Variants in TRIM51 observed in about 807,000 individuals in gnomAD.
TRIM51 encodes tripartite motif-containing 51.
A neutral mutation model predicts 32.7 loss-of-function variants in TRIM51; 23 were observed. The observed-to-expected ratio is 0.70, with a 90% CI of 0.51 to 1.00. The LOEUF (loss-of-function observed/expected upper bound fraction) is 1.00. TRIM51 is among the 50% of genes least tolerant of loss of function. The pLI, the probability that TRIM51 is intolerant of heterozygous loss-of-function variation, is 0.00. For missense variants in TRIM51, 592 were observed against 539.2 expected (o/e 1.10, Z -0.97); for synonymous variants, 177 against 181.9 (o/e 0.97, Z 0.22).
chr11:55,883,838 C>A (rs1406651421), intron 1 of TRIM51, among the ~76,000 whole-genome samples: 1 of 151,892 alleles, frequency 6.6e-6, no homozygotes, highest in African/African-American at 2.4e-5. Flanking sequence ...GAATGCTCTC[C>A]AAAATACCCT....
Position 55,890,095 on chromosome 11 carries a change from A to G in TRIM51, c.859+56A>G, listed in dbSNP as rs1199272565. On this transcript the variant is annotated intron_variant, in intron 6 of 6. Coordinates refer to ENST00000449290, the MANE Select transcript of TRIM51 (RefSeq NM_032681.4). ...CAGTCTATTACTTCTTGTTAGAATC[A>G]TGGGGGTAGTATTTTACCCTTCATC... 2.2e-5 allele frequency: 28 copies of G among 1,251,816 alleles called. No homozygotes were observed. In the Admixed American group the frequency reaches 4.2e-4, roughly 19 times the overall value. 77.5% of individuals were successfully genotyped at this position (1,251,816 alleles called of 1,614,324 possible).
intron 1 of TRIM51, among the ~76,000 whole-genome samples, chr11:55,884,180 T>C (rs867069630): frequency 8.1e-6 from 1 of 124,090 alleles, no homozygotes; most frequent in African/African-American, 3.3e-5. Context: ...TATATATATA[T>C]ATACACATAC....
intron 2 of TRIM51, 67 bp from the exon 3 acceptor site, chr11:55,886,056 C>A (rs1169121124): frequency 2.6e-5 from 40 of 1,523,646 alleles, no homozygotes; most frequent in Non-Finnish European, 3.6e-5. Context: ...TTGGGTCCTT[C>A]GTATATCAGA....
intron 3 of TRIM51, among the ~76,000 whole-genome samples, chr11:55,887,690 G>A (rs371799124): frequency 6.6e-6 from 1 of 152,056 alleles, no homozygotes; most frequent in African/African-American, 2.4e-5. Flanking sequence ...GTTCTCCAAA[G>A]TAGAAATAAT....
At chr11:55,887,794 A>G (rs1283700023) in intron 3 of TRIM51, among the ~76,000 whole-genome samples, 1 of 152,132 alleles carries the variant, frequency 6.6e-6, no homozygotes, top group African/African-American at 2.4e-5. Flanking sequence ...AGGGAAATCC[A>G]TTTTTATATA....
Position 55,886,309 on chromosome 11 carries a change from T to C in TRIM51, c.507+91T>C, listed in dbSNP as rs1263647528. The C allele has an allele frequency of 9.7e-6, 10 of 1,036,056 alleles. No individual in the cohort carries two copies. In the Admixed American group the frequency reaches 2.2e-4, roughly 23 times the overall value. The allele number at this position is 1,036,056 out of a possible 1,614,324, so 64.2% of individuals were successfully genotyped here. ...AGGAACTTGATCTCAACCCATAATG[T>C]TTCTGGAATTCAATAAACAAGGAAA... On this transcript the variant is annotated intron_variant, in intron 3 of 6. Transcript: ENST00000449290.
At chr11:55,885,012 C>T (rs576432828) in intron 1 of TRIM51, among the ~76,000 whole-genome samples, 256 of 152,060 alleles carry the variant, frequency 1.7e-3, no homozygotes, top group Middle Eastern at 3.4e-3. Context: ...CAACCTCTGA[C>T]CATCTTCTCA....
chr11:55,883,874 T>C (rs936210466), intron 1 of TRIM51, among the ~76,000 whole-genome samples: 4 of 152,190 alleles, frequency 2.6e-5, no homozygotes, highest in African/African-American at 9.6e-5. Flanking sequence ...ACACGATTGT[T>C]TAGCAGATAA....
chr11:55,885,723 A>T lies in TRIM51; in HGVS notation c.295A>T (p.Thr99Ser), dbSNP rs527444168. Residue 99 changes from threonine (T) to serine (S), a missense_variant, in exon 2 of 7, where the codon ACA (threonine) becomes TCA (serine). By Grantham distance (58) the Thr-to-Ser change is moderately conservative (BLOSUM62 1). Transcript: ENST00000449290. ...GCAAATATGTGGGATGCACAGAGAG[A>T]CAAAGAAGATGTTCTGTGAAGTGGA... ...EEQICGMHRE[T>S]KKMFCEVDKS... 5.0e-6 allele frequency: 8 copies of T among 1,611,634 alleles called. No individual in the cohort carries two copies. The highest frequency in any genetic ancestry group is 6.8e-6 in the Non-Finnish European group (8 of 1,179,736).
intron 3 of TRIM51, among the ~76,000 whole-genome samples, chr11:55,886,889 A>T (rs933835449): frequency 1.3e-5 from 2 of 152,268 alleles, no homozygotes; most frequent in East Asian, 3.9e-4. Flanking sequence ...ATGATATCTG[A>T]TATTCATTCA....
In TRIM51 at chr11:55,891,462, C is replaced by G; in HGVS notation, c.1189C>G (p.Leu397Val). ...CTGCAGTCTCTTTACCACCTCCCCA[C>G]TTGTGGTGCAATATGTTCCAAGACC... ...THCSLFTTSP[L>V]VVQYVPRPTS... is the part of the protein sequence containing the mutation. The change falls in exon 7 of 7, where the codon CTT becomes GTT. Residue 397 changes from leucine (L) to valine (V), a missense_variant. Transcript: ENST00000449290. 2 of 1,613,300 alleles carry G rather than the reference C, an allele frequency of 1.2e-6. No individual in the cohort carries two copies.
chr11:55,888,204 G>T lies in TRIM51; in HGVS notation c.680G>T (p.Arg227Ile). The T allele has an allele frequency of 2.5e-6, 4 of 1,613,640 alleles. No homozygotes were observed. The highest frequency in any genetic ancestry group is 3.4e-6 in the Non-Finnish European group (4 of 1,179,642). Reference sequence around the variant, plus strand: ...ATGGAACATTCCAGGGAGCTTTTAAGAGGAATGTATGAGGATCTGAAGCAA... The same window carrying T: ...ATGGAACATTCCAGGGAGCTTTTAATAGGAATGTATGAGGATCTGAAGCAA... ...ARMEHSRELL[R>I]GMYEDLKQMC... The change falls in exon 4 of 7, where the codon AGA (arginine) becomes ATA (isoleucine). Residue 227 changes from arginine (R) to isoleucine (I), a missense_variant. Physicochemically the swap from Arg to Ile is moderately conservative, Grantham distance 97. Coordinates refer to ENST00000449290, the MANE Select transcript of TRIM51 (RefSeq NM_032681.4).
intron 4 of TRIM51, 39 bp from the exon 5 acceptor site, chr11:55,888,940 T>C (rs1210728096): frequency 6.3e-7 from 1 of 1,599,438 alleles, no homozygotes; most frequent in Non-Finnish European, 8.6e-7. Context: ...ATGCATCTTG[T>C]GGAAAGCGCT....
chr11:55,884,620 C>A (rs1460787516), intron 1 of TRIM51, among the ~76,000 whole-genome samples: 1 of 152,070 alleles, frequency 6.6e-6, no homozygotes, highest in East Asian at 1.9e-4. Context: ...ACTCAGCTCA[C>A]CAACTTACAT....
intron 6 of TRIM51, 147 bp from the exon 7 acceptor site, chr11:55,890,986 T>G: frequency 1.6e-6 from 1 of 618,018 alleles, no homozygotes; most frequent in Non-Finnish European, 2.8e-6. Context: ...TCCTTATACT[T>G]TATTAAATGT....
At position 55,885,659 on chromosome 11, in the gene TRIM51, C is replaced by T. The variant is rs1329197937; in HGVS notation, c.231C>T (p.Ala77=). The change falls in exon 2 of 7, where the codon GCC becomes GCT. Residue 77 remains alanine (A), a synonymous_variant. Coordinates refer to ENST00000449290, the MANE Select transcript of TRIM51 (RefSeq NM_032681.4). ...GTTTGAAGAACATGGCTTTCATTGC[C>T]AGAAAAGCCAGCCTCCGGCAATTCC... The part of the protein sequence containing the change: ...DICLKNMAFI[A]RKASLRQFLS... 11 of 1,610,574 alleles carry T rather than the reference C, an allele frequency of 6.8e-6. No homozygotes were observed. Among genetic ancestry groups the T allele is most frequent in the Non-Finnish European group, 9.3e-6 (11 of 1,179,164 alleles).
chr11:55,885,520 G>A lies in TRIM51; in HGVS notation c.92G>A (p.Gly31Glu). Reference protein sequence around the residue: ...YFLDPVTIDCGHSFCRPCLYL... With the variant: ...YFLDPVTIDCEHSFCRPCLYL... The stretch of plus-strand genomic sequence containing the variant: ...CTAGACCCAGTCACCATAGACTGTG[G>A]GCACAGCTTTTGCCGGCCCTGTTTG... Residue 31 changes from glycine to glutamate, a missense_variant, in exon 2 of 7, where the codon GGG becomes GAG. Coordinates refer to ENST00000449290, the MANE Select transcript of TRIM51 (RefSeq NM_032681.4). The A allele has an allele frequency of 6.2e-7, 1 of 1,612,028 alleles. No homozygotes were observed. The highest frequency in any genetic ancestry group is 8.5e-7 in the Non-Finnish European group (1 of 1,179,742).
chr11:55,888,865 G>A, intron 4 of TRIM51, 114 bp from the exon 5 acceptor site: 1 of 936,058 alleles, frequency 1.1e-6, no homozygotes, highest in Admixed American at 1.8e-5. Flanking sequence ...TTCCAGGAGG[G>A]AACATTGTAG....
chr11:55,884,203 C>G (rs1243803662), intron 1 of TRIM51, among the ~76,000 whole-genome samples: 1 of 68,846 alleles, frequency 1.5e-5, no homozygotes, highest in African/African-American at 4.8e-5. Context: ...AAAATACTTA[C>G]AATTGTGGTA....
Sources: gnomAD v4.1 joint callset for allele counts (sites outside exome capture counted in the v4.1 genomes callset) on GRCh38, gnomAD v4.1.1 for gene constraint, MANE v1.5 for transcripts, NCBI Gene and HGNC (gene_info 2026-07-23, HGNC 2026-07-21) for gene names.